Variants in GREB1L observed in about 807,000 individuals in gnomAD.
The protein encoded by GREB1L is GREB1-like protein.
GREB1L carries 17 observed loss-of-function variants against 200.8 expected under a neutral mutation model. That is an observed-to-expected ratio of 0.08 (90% CI 0.06 to 0.13). GREB1L has a LOEUF of 0.13. Among genes scored for constraint, GREB1L ranks in the 10% least tolerant of loss-of-function variants. GREB1L has a pLI of 1.00. For missense variants in GREB1L, 1,657 were observed against 2,367.7 expected (o/e 0.70, Z 6.23); for synonymous variants, 789 against 893.0 (o/e 0.88, Z 2.08).
intron 1 of GREB1L, among the ~76,000 whole-genome samples, chr18:21,345,437 A>G (rs553893022): frequency 6.6e-6 from 1 of 152,330 alleles, no homozygotes; most frequent in East Asian, 1.9e-4. Flanking sequence ...AGCATTGTCA[A>G]GTGATTAAAA....
chr18:21,385,938 G>GT (rs770368788), intron 4 of GREB1L, among the ~76,000 whole-genome samples: 1 of 152,184 alleles, frequency 6.6e-6, no homozygotes, highest in Non-Finnish European at 1.5e-5. Context: ...TGACACTGGT[G>GT]TTTTTTATAA....
At chr18:21,519,975 C>A (rs184748063) in intron 31 of GREB1L, among the ~76,000 whole-genome samples, 1 of 150,918 alleles carries the variant, frequency 6.6e-6, no homozygotes, top group Non-Finnish European at 1.5e-5. Context: ...GGCTGGAGTG[C>A]AATGGTGCAA....
intron 7 of GREB1L, among the ~76,000 whole-genome samples, chr18:21,423,056 AAGTAGCTGGG>A (rs2032284353): frequency 1.3e-5 from 2 of 152,110 alleles, no homozygotes; most frequent in East Asian, 3.9e-4. Context: ...TCAGCATCCC[AAGTAGCTGGG>A]ATTACAGGCA....
At chr18:21,325,670 C>T (rs756518049) in intron 1 of GREB1L, among the ~76,000 whole-genome samples, 1 of 151,536 alleles carries the variant, frequency 6.6e-6, no homozygotes, top group Non-Finnish European at 1.5e-5. Context: ...AAAAATTAGC[C>T]GGGTGAGGTG....
chr18:21,472,771 G>A (rs1287486796), intron 15 of GREB1L, among the ~76,000 whole-genome samples: 3 of 152,314 alleles, frequency 2.0e-5, no homozygotes, highest in Non-Finnish European at 4.4e-5. Context: ...ACACTCAGCT[G>A]CCTTTATCTC....
At chr18:21,476,060 A>G (rs2035689021) in intron 16 of GREB1L, among the ~76,000 whole-genome samples, 1 of 147,672 alleles carries the variant, frequency 6.8e-6, no homozygotes, top group African/African-American at 2.5e-5. Flanking sequence ...GGTAGGGGGC[A>G]TCTTTGCTCC....
chr18:21,444,322 G>A lies in GREB1L; in HGVS notation c.1306G>A (p.Asp436Asn). 6.4e-7 allele frequency: 1 copy of A among 1,552,092 alleles called. No individual in the cohort carries two copies. The highest frequency in any genetic ancestry group is 8.7e-7 in the Non-Finnish European group (1 of 1,146,954). Residue 436 changes from aspartate (D) to asparagine (N), a missense_variant, in exon 11 of 33, where the codon GAT becomes AAT. Physicochemically the swap from Asp to Asn is conservative, Grantham distance 23. Coordinates refer to ENST00000424526, the MANE Select transcript of GREB1L (RefSeq NM_001142966.3). ...CYKIPQLENK[D>N]LEKLGLTGSQ... ...CAAGATTCCACAGTTGGAAAACAAA[G>A]ATTTGGAAAAATTAGGGTTGACCGG...
At chr18:21,506,170 G>C (rs1221696479) in intron 25 of GREB1L, among the ~76,000 whole-genome samples, 1 of 152,120 alleles carries the variant, frequency 6.6e-6, no homozygotes, top group Non-Finnish European at 1.5e-5. Flanking sequence ...GAGGCGGGTG[G>C]ATCACCTGAG....
intron 10 of GREB1L, 49 bp from the exon 11 acceptor site, chr18:21,444,175 A>T (rs750394345): frequency 7.4e-7 from 1 of 1,357,702 alleles, no homozygotes; most frequent in South Asian, 1.4e-5. Context: ...ACCTGGTTGG[A>T]CCATAAAAAG....
chr18:21,345,024 C>T (rs2039324468), intron 1 of GREB1L, among the ~76,000 whole-genome samples: 1 of 152,178 alleles, frequency 6.6e-6, no homozygotes, highest in African/African-American at 2.4e-5. Context: ...TACCCACCTG[C>T]CCCTTTCTCA....
At chr18:21,485,391 A>C in intron 17 of GREB1L, 1 of 406,508 alleles carries the variant, frequency 2.5e-6, no homozygotes, top group East Asian at 4.0e-5. Context: ...GAAGTGTGTC[A>C]ACTTTCCACT....
intron 1 of GREB1L, among the ~76,000 whole-genome samples, chr18:21,358,418 C>T (rs2039535694): frequency 6.6e-6 from 1 of 152,130 alleles, no homozygotes; most frequent in African/African-American, 2.4e-5. Flanking sequence ...TGGGTTCAAG[C>T]GATTCTCCTG....
At chr18:21,353,004 AC>A (rs2039455658) in intron 1 of GREB1L, among the ~76,000 whole-genome samples, 1 of 151,590 alleles carries the variant, frequency 6.6e-6, no homozygotes, top group Non-Finnish European at 1.5e-5. Context: ...ACACGGTGAA[AC>A]CCCGTCTCTA....
chr18:21,264,982 T>G (rs2144167455), intron 1 of GREB1L, among the ~76,000 whole-genome samples: 1 of 152,282 alleles, frequency 6.6e-6, no homozygotes, highest in Admixed American at 6.5e-5. Flanking sequence ...TTCTTATTCT[T>G]CCACATTCTT....
rs147156379 is a variant in GREB1L at position 21,273,128 on chromosome 18, G to A, written c.-120+30735G>A. On this transcript the variant is annotated intron_variant, in intron 1 of 32. Coordinates refer to ENST00000424526, the MANE Select transcript of GREB1L (RefSeq NM_001142966.3). Reference sequence around the variant, plus strand: ...TGTAATCCCAGCTACTGGGGAGGCTGAGGCAGGGAGAATCGCTTGAACCCG... The same window carrying A: ...TGTAATCCCAGCTACTGGGGAGGCTAAGGCAGGGAGAATCGCTTGAACCCG... 7.8e-3 allele frequency among the ~76,000 whole-genome samples: 1,195 copies of A among 152,330 alleles called. 10 individuals carry two copies. The highest frequency in any genetic ancestry group is 0.012 in the South Asian group (60 of 4,822).
intron 18 of GREB1L, among the ~76,000 whole-genome samples, chr18:21,489,154 C>T (rs2036236099): frequency 6.6e-6 from 1 of 152,130 alleles, no homozygotes; most frequent in African/African-American, 2.4e-5. Context: ...TTGTTTTCTA[C>T]CTCCTATAAT....
At chr18:21,300,385 T>C (rs2038598394) in intron 1 of GREB1L, among the ~76,000 whole-genome samples, 1 of 152,230 alleles carries the variant, frequency 6.6e-6, no homozygotes, top group South Asian at 2.1e-4. Context: ...AAGCCAATGT[T>C]TTCATTGATT....
intron 19 of GREB1L, 92 bp downstream of exon 19, chr18:21,490,443 T>A (rs1195871293): frequency 1.1e-5 from 11 of 984,714 alleles, no homozygotes; most frequent in Non-Finnish European, 1.7e-5. Context: ...CTGAGTTTAA[T>A]AGAATCACAT....
At chr18:21,381,531 A>G (rs905317714) in intron 2 of GREB1L, among the ~76,000 whole-genome samples, 5 of 152,226 alleles carry the variant, frequency 3.3e-5, no homozygotes, top group Non-Finnish European at 5.9e-5. Context: ...ACCCCACTGT[A>G]TATGAACATA....
Sources: allele counts gnomAD v4.1 joint callset (sites outside exome capture counted in the v4.1 genomes callset), GRCh38; gene constraint gnomAD v4.1.1; transcripts MANE v1.5; gene names NCBI Gene and HGNC (gene_info 2026-07-23, HGNC 2026-07-21).